Variants in ZFPM2 observed in about 807,000 individuals in gnomAD.
ZFPM2 encodes zinc finger protein, FOG family member 2.
In ZFPM2, 20 loss-of-function variants were observed where a neutral mutation model predicts 98.6. The ratio of observed to expected loss-of-function variants is 0.20; its 90% CI spans 0.14 to 0.29. The LOEUF (loss-of-function observed/expected upper bound fraction) is 0.29, where lower values mean the gene tolerates loss of function less well. ZFPM2 is among the 10% of genes least tolerant of loss of function. The pLI is 1.00. For synonymous variants in ZFPM2, 518 were observed against 502.7 expected, an observed-to-expected ratio of 1.03 and a Z score of -0.41; for missense variants, 1,310 against 1,388.6, an observed-to-expected ratio of 0.94 and a Z score of 0.90.
At chr8:105,503,161 G>A (rs1433084381) in intron 3 of ZFPM2, among the ~76,000 whole-genome samples, 2 of 152,126 alleles carry the variant, frequency 1.3e-5, no homozygotes, top group African/African-American at 4.8e-5. Flanking sequence ...GTTGTTTCAA[G>A]GTGTGTAAGT....
rs1811778783 is a variant in ZFPM2, at chr8:105,420,904, A to C, written c.199+1602A>C. On this transcript the variant is annotated intron_variant, in intron 2 of 7. Transcript: ENST00000407775. ...TACCTTTTGTCAATTTAATTCATCC[A>C]GGAAGGCAGTATGATAGGTACTACT... is the stretch of plus-strand genomic sequence containing the variant. Among the ~76,000 whole-genome samples the C allele has an allele frequency of 1.1e-4, 17 of 152,266 alleles. No homozygotes were observed. In the South Asian group the frequency reaches 3.5e-3, roughly 32 times the overall value.
At chr8:105,616,901 C>T (rs929393995) in intron 4 of ZFPM2, among the ~76,000 whole-genome samples, 2 of 150,742 alleles carry the variant, frequency 1.3e-5, no homozygotes, top group South Asian at 2.1e-4. Flanking sequence ...ATCTGTAATC[C>T]CTGCTACTCA....
chr8:105,540,993 C>T (rs531431925), intron 3 of ZFPM2, among the ~76,000 whole-genome samples: 16 of 152,164 alleles, frequency 1.1e-4, no homozygotes, highest in African/African-American at 3.9e-4. Context: ...TTTTATGTAG[C>T]TGGCAGTTTT....
chr8:105,342,487 G>A (rs960154239), intron 1 of ZFPM2, among the ~76,000 whole-genome samples: 5 of 152,116 alleles, frequency 3.3e-5, no homozygotes, highest in African/African-American at 1.2e-4. Flanking sequence ...AGAGGAATGT[G>A]TGAGACATTC....
At chr8:105,422,047 C>CA (rs747630701) in intron 2 of ZFPM2, among the ~76,000 whole-genome samples, 20,625 of 49,954 alleles carry the variant, frequency 0.41, 4,035 homozygotes, top group African/African-American at 0.61. Flanking sequence ...GACTCCATCT[C>CA]AAAAAAAAAA....
chr8:105,370,308 C>T (rs1033174742), intron 1 of ZFPM2, among the ~76,000 whole-genome samples: 1 of 152,106 alleles, frequency 6.6e-6, no homozygotes, highest in African/African-American at 2.4e-5. Flanking sequence ...AATGGATAGA[C>T]ATTTTTTAAG....
At position 105,377,607 on chromosome 8, in the gene ZFPM2, C is replaced by CAAAAAAAAAAAAAAAAAAAA. The variant is rs36124912; in HGVS notation, c.41-41530_41-41511dup. ...CAAAACCCCGTTTTTCTTAAAAATC[C>CAAAAAAAAAAAAAAAAAAAA]AAAAAAAAAAAAAAAAAAAAAAAAA... On this transcript the variant is annotated intron_variant, in intron 1 of 7. Transcript: ENST00000407775. Among the ~76,000 whole-genome samples, 13 of 63,880 alleles carry CAAAAAAAAAAAAAAAAAAAA rather than the reference C, an allele frequency of 2.0e-4. 6 individuals carry two copies. Among genetic ancestry groups the CAAAAAAAAAAAAAAAAAAAA allele is most frequent in the Non-Finnish European group, 2.8e-4 (10 of 35,988 alleles). The allele number at this position is 63,880 out of a possible 152,430, so 41.9% of individuals were successfully genotyped here.
chr8:105,674,629 C>T (rs1029853019), intron 5 of ZFPM2, among the ~76,000 whole-genome samples: 3 of 151,958 alleles, frequency 2.0e-5, no homozygotes, highest in Non-Finnish European at 2.9e-5. Context: ...GGGAAACCAC[C>T]GAACAACAAA....
At chr8:105,489,164 G>A (rs1287625117) in intron 3 of ZFPM2, among the ~76,000 whole-genome samples, 1 of 151,746 alleles carries the variant, frequency 6.6e-6, no homozygotes, top group African/African-American at 2.4e-5. Context: ...TCCACAGTAG[G>A]GAGAACAGAG....
intron 2 of ZFPM2, among the ~76,000 whole-genome samples, chr8:105,439,404 G>A (rs997724541): frequency 1.3e-5 from 2 of 152,280 alleles, no homozygotes; most frequent in Admixed American, 6.5e-5. Context: ...GCAATTAGGA[G>A]ACTCAAATTT....
intron 1 of ZFPM2, among the ~76,000 whole-genome samples, chr8:105,330,557 TATATATATATACATATATATATAC>T (rs1554594968): frequency 9.9e-5 from 12 of 120,810 alleles, no homozygotes; most frequent in African/African-American, 4.0e-4. Context: ...TATATACATA[TATATATATATACATATATATATAC>T]ATATATATAT....
chr8:105,754,672 A>G (rs1812553005), intron 5 of ZFPM2, among the ~76,000 whole-genome samples: 3 of 143,232 alleles, frequency 2.1e-5, no homozygotes, highest in Admixed American at 1.4e-4. Flanking sequence ...AGAGAAAAGT[A>G]GTAGCAACCT....
intron 5 of ZFPM2, among the ~76,000 whole-genome samples, chr8:105,749,409 T>C (rs555795886): frequency 6.6e-6 from 1 of 152,210 alleles, no homozygotes; most frequent in East Asian, 1.9e-4. Context: ...TTATCAAACA[T>C]ATATTTGGGG....
chr8:105,716,659 G>A (rs1395927215), intron 5 of ZFPM2, among the ~76,000 whole-genome samples: 1 of 151,912 alleles, frequency 6.6e-6, no homozygotes, highest in Admixed American at 6.6e-5. Flanking sequence ...TATTCTGTAA[G>A]ATCCTCTTGA....
At chr8:105,477,303 G>T in intron 3 of ZFPM2, among the ~76,000 whole-genome samples, 1 of 143,758 alleles carries the variant, frequency 7.0e-6, no homozygotes, top group African/African-American at 2.7e-5. Flanking sequence ...AGAGTGCAGT[G>T]GTGCGATCTC....
chr8:105,793,499 C>T (rs1419124108), intron 6 of ZFPM2, among the ~76,000 whole-genome samples: 1 of 152,158 alleles, frequency 6.6e-6, no homozygotes. Context: ...CCCGTCCTTT[C>T]TCTCTGGCTG....
chr8:105,459,000 T>C (rs893512120), intron 3 of ZFPM2, among the ~76,000 whole-genome samples: 40 of 152,342 alleles, frequency 2.6e-4, no homozygotes, highest in African/African-American at 9.4e-4. Flanking sequence ...TCACCAATTC[T>C]AATGCTATAA....
chr8:105,565,034 C>T (rs1187385028), intron 4 of ZFPM2, among the ~76,000 whole-genome samples: 1 of 152,144 alleles, frequency 6.6e-6, no homozygotes, highest in Non-Finnish European at 1.5e-5. Context: ...TATTCGCCAA[C>T]TGATGTAATG....
chr8:105,358,594 G>A (rs1812795260), intron 1 of ZFPM2: 1 of 152,202 alleles, frequency 6.6e-6, no homozygotes, highest in African/African-American at 2.4e-5. Flanking sequence ...GAATCTCTGT[G>A]TGTGGATCCT....
Sources: gnomAD v4.1 joint callset for allele counts (sites outside exome capture counted in the v4.1 genomes callset) on GRCh38, gnomAD v4.1.1 for gene constraint, MANE v1.5 for transcripts, NCBI Gene and HGNC (gene_info 2026-07-23, HGNC 2026-07-21) for gene names.